WWP1: variants seen among roughly 807,000 people sequenced by gnomAD.
WWP1 encodes WW domain containing E3 ubiquitin protein ligase 1, also known as NEDD4-like E3 ubiquitin-protein ligase WWP1.
In WWP1, 49 loss-of-function variants were observed where a neutral mutation model predicts 130.6. The observed-to-expected ratio is 0.38, with a 90% CI of 0.30 to 0.48. WWP1 has a LOEUF of 0.48. Ranked by LOEUF, WWP1 falls within the 20% of genes least tolerant of loss-of-function variation. The pLI, the probability that WWP1 is intolerant of heterozygous loss-of-function variation, is 0.99. For synonymous variants in WWP1, 332 were observed against 367.8 expected (o/e 0.90, Z 1.11); for missense variants, 809 against 1,100.6 (o/e 0.74, Z 3.75).
chr8:86,381,644 C>T lies in WWP1; in HGVS notation c.334+15C>T. 2.5e-6 allele frequency: 4 copies of T among 1,569,354 alleles called. No individual in the cohort carries two copies. The highest frequency in any genetic ancestry group is 4.6e-5 in the East Asian group (2 of 43,222). On this transcript the variant is annotated intron_variant, in intron 5 of 24. Transcript: ENST00000517970. The stretch of plus-strand genomic sequence containing the variant: ...CAATAGAAAATGTAAGTTTTTTGTT[C>T]TGACCTTTATTTCCTTATAAGTTTA...
intron 1 of WWP1, among the ~76,000 whole-genome samples, chr8:86,354,042 C>A (rs1347980039): frequency 1.6e-4 from 24 of 152,158 alleles, no homozygotes; most frequent in Non-Finnish European, 1.5e-5. Context: ...AGAGCTCGGG[C>A]CTTAAATAAA....
At chr8:86,395,409 GA>G (rs1807602485) in intron 5 of WWP1, among the ~76,000 whole-genome samples, 1 of 151,838 alleles carries the variant, frequency 6.6e-6, no homozygotes, top group African/African-American at 2.4e-5. Flanking sequence ...TTTTTGAGGA[GA>G]TATATTTTAA....
intron 5 of WWP1, among the ~76,000 whole-genome samples, chr8:86,389,213 T>C (rs2130419283): frequency 6.6e-6 from 1 of 152,182 alleles, no homozygotes; most frequent in East Asian, 1.9e-4. Context: ...AGAGGGGGAT[T>C]TGGCAGGGTC....
chr8:86,464,920 CGTGT>C (rs59046717), intron 24 of WWP1, among the ~76,000 whole-genome samples: 44 of 151,568 alleles, frequency 2.9e-4, no homozygotes, highest in African/African-American at 9.2e-4. Context: ...CATGCGCGCG[CGTGT>C]GTGTGTGTAT....
intron 2 of WWP1, among the ~76,000 whole-genome samples, chr8:86,370,552 T>C (rs1824226176): frequency 6.6e-6 from 1 of 152,200 alleles, no homozygotes; most frequent in Admixed American, 6.5e-5. Flanking sequence ...GACAAACTCT[T>C]GAGGCTCAGG....
chr8:86,386,873 G>C (rs1186296225), intron 5 of WWP1: 2 of 152,232 alleles, frequency 1.3e-5, no homozygotes, highest in African/African-American at 2.4e-5. Flanking sequence ...GATGCCAGCA[G>C]GTTCGAGTTT....
At chr8:86,374,263 T>A in intron 3 of WWP1, 143 bp downstream of exon 3, 1 of 607,478 alleles carries the variant, frequency 1.6e-6, no homozygotes, top group Non-Finnish European at 2.8e-6. Context: ...CAAAGGTAGA[T>A]GCCCTCCAAA....
At chr8:86,457,757 A>T (rs1287007169) in intron 21 of WWP1, among the ~76,000 whole-genome samples, 164 bp from the exon 22 acceptor site, 1 of 152,180 alleles carries the variant, frequency 6.6e-6, no homozygotes, top group Non-Finnish European at 1.5e-5. Flanking sequence ...TTTATGCTAA[A>T]TTGCCACAGT....
chr8:86,427,237 C>T (rs1181958733), intron 10 of WWP1, among the ~76,000 whole-genome samples: 3 of 151,528 alleles, frequency 2.0e-5, no homozygotes, highest in Admixed American at 6.6e-5. Flanking sequence ...TCTTTTTAGA[C>T]AGTCTTTAGA....
intron 8 of WWP1, among the ~76,000 whole-genome samples, chr8:86,408,954 CTTG>C (rs545879896): frequency 1.8e-3 from 272 of 151,936 alleles, no homozygotes; most frequent in African/African-American, 6.3e-3. Context: ...TTGAAGTAAT[CTTG>C]TTGTTGATCT....
At chr8:86,399,658 T>TA (rs1021644675) in intron 7 of WWP1, among the ~76,000 whole-genome samples, 14 of 152,172 alleles carry the variant, frequency 9.2e-5, no homozygotes, top group African/African-American at 2.9e-4. Context: ...CCATATAATT[T>TA]AAAAAAATTT....
At chr8:86,414,890 T>TCC (rs1222505171) in intron 9 of WWP1, among the ~76,000 whole-genome samples, 29 of 94,810 alleles carry the variant, frequency 3.1e-4, no homozygotes, top group African/African-American at 7.7e-4. Context: ...CCCCCCCCCA[T>TCC]CCCCCCACCC....
chr8:86,366,906 TTTAAAA>T (rs1325078309), intron 1 of WWP1, among the ~76,000 whole-genome samples: 3 of 152,228 alleles, frequency 2.0e-5, no homozygotes, highest in African/African-American at 7.2e-5. Context: ...TATAATTTAA[TTTAAAA>T]TTAAGTCCTC....
chr8:86,457,012 A>G (rs72690405), intron 21 of WWP1, among the ~76,000 whole-genome samples: 8,236 of 152,034 alleles, frequency 0.054, 316 homozygotes, highest in Non-Finnish European at 0.086. Flanking sequence ...TTTTGATTAC[A>G]AAAAGGGATA....
intron 22 of WWP1, among the ~76,000 whole-genome samples, chr8:86,460,496 A>T (rs2130091856): frequency 6.6e-6 from 1 of 152,332 alleles, no homozygotes; most frequent in East Asian, 1.9e-4. Context: ...TGTTGTGAGA[A>T]CTAAATCCAT....
chr8:86,396,916 T>C (rs1048943752), intron 5 of WWP1, among the ~76,000 whole-genome samples: 1 of 152,128 alleles, frequency 6.6e-6, no homozygotes, highest in Non-Finnish European at 1.5e-5. Context: ...TTAAATTTTT[T>C]AGAGACTAGA....
chr8:86,412,414 T>G (rs547624438), intron 9 of WWP1, among the ~76,000 whole-genome samples: 1 of 152,360 alleles, frequency 6.6e-6, no homozygotes, highest in East Asian at 1.9e-4. Flanking sequence ...GAGTATTCTA[T>G]ATGTGTATTC....
Position 86,411,522 on chromosome 8 carries a change from A to C in WWP1, c.725-16A>C. On this transcript the variant is annotated splice_polypyrimidine_tract_variant and intron_variant, in intron 8 of 24. Transcript: ENST00000517970. ...TCATTACTTGATAGATGATTTTATT[A>C]ATTTTCCCTTCTCAGTTAATGGAGA... The C allele has an allele frequency of 8.8e-6, 14 of 1,596,650 alleles. No homozygotes were observed. The highest frequency in any genetic ancestry group is 1.1e-5 in the Non-Finnish European group (13 of 1,168,972).
intron 17 of WWP1, 47 bp downstream of exon 17, chr8:86,438,720 G>C (rs766179741): frequency 2.1e-6 from 3 of 1,428,320 alleles, no homozygotes; most frequent in Non-Finnish European, 2.9e-6. Flanking sequence ...ATATCTCATT[G>C]TATACAGGGA....
Sources: gnomAD v4.1 joint callset for allele counts (sites outside exome capture counted in the v4.1 genomes callset) on GRCh38, gnomAD v4.1.1 for gene constraint, MANE v1.5 for transcripts, NCBI Gene and HGNC (gene_info 2026-07-23, HGNC 2026-07-21) for gene names.